Variants in ODAD4 observed in about 807,000 individuals in gnomAD.
ODAD4 encodes the protein outer dynein arm docking complex subunit 4.
Under a neutral mutation model 51.8 loss-of-function variants are expected in ODAD4, and 49 were observed. The ratio of observed to expected loss-of-function variants is 0.95; its 90% CI spans 0.75 to 1.20. The LOEUF (loss-of-function observed/expected upper bound fraction) is 1.20, where lower values mean the gene tolerates loss of function less well. Ranked by LOEUF, ODAD4 falls within the 50% of genes most tolerant of loss-of-function variation. The pLI is 0.00. For missense variants in ODAD4, 590 were observed against 586.5 expected, an observed-to-expected ratio of 1.01 and a Z score of -0.06; for synonymous variants, 235 against 221.3, an observed-to-expected ratio of 1.06 and a Z score of -0.55.
chr17:41,958,660 CAAAA>C (rs544794329), intron 10 of ODAD4, among the ~76,000 whole-genome samples: 2 of 58,086 alleles, frequency 3.4e-5, no homozygotes. Context: ...AACTCCATCT[CAAAA>C]AAAAAAAAAA....
At position 41,938,606 on chromosome 17, in the gene ODAD4, C is replaced by G. The variant is rs2050460117; in HGVS notation, c.675C>G (p.Ile225Met). The change falls in exon 6 of 12, where the codon ATC (isoleucine) becomes ATG (methionine). Residue 225 changes from isoleucine to methionine, a missense_variant. By Grantham distance (10) the Ile-to-Met change is conservative. Coordinates refer to ENST00000377540, the MANE Select transcript of ODAD4 (RefSeq NM_031421.5). Reference sequence around the variant, plus strand: ...GCGGCCTGACTGTGGAGGACCTCATCATGACGGGCATCAACTACCTGGATA... The same window carrying G: ...GCGGCCTGACTGTGGAGGACCTCATGATGACGGGCATCAACTACCTGGATA... ...MKGGLTVEDL[I>M]MTGINYLDTH... is the part of the protein sequence containing the mutation. 5 of 1,613,968 alleles carry G rather than the reference C, an allele frequency of 3.1e-6. No individual in the cohort carries two copies. Among genetic ancestry groups the G allele is most frequent in the Non-Finnish European group, 4.2e-6 (5 of 1,179,900 alleles).
chr17:41,965,163 CAG>C lies in ODAD4; in HGVS notation c.1702_1703del (p.Ser568CysfsTer45). 5.2e-6 allele frequency: 4 copies of C among 773,394 alleles called. No homozygotes were observed. Among genetic ancestry groups the C allele is most frequent in the South Asian group, 1.4e-5 (1 of 73,194 alleles). The allele number at this position is 773,394 out of a possible 1,614,324, so 47.9% of individuals were successfully genotyped here. On this transcript the variant is annotated frameshift_variant, in exon 12 of 12. Transcript: ENST00000377540. LOFTEE classifies it low-confidence loss of function (END_TRUNC). ...TCTGCAGAGCCCAGCAAGCGGAAAG[CAG>C]AGTGTGGAAGCAGGAAAAGCCAGAA... ...EALQSPASGK[Q>X]SVEAGKARSD...
At chr17:41,941,729 C>T (rs1240475116) in intron 7 of ODAD4, among the ~76,000 whole-genome samples, 1 of 146,296 alleles carries the variant, frequency 6.8e-6, no homozygotes, top group African/African-American at 2.6e-5. Flanking sequence ...TGCAGTGAGC[C>T]GAGATAGTGA....
In ODAD4 at chr17:41,965,418, A is replaced by C; in HGVS notation, c.1954A>C (p.Thr652Pro). 1.3e-6 allele frequency: 1 copy of C among 778,472 alleles called. No individual in the cohort carries two copies. Among genetic ancestry groups the C allele is most frequent in the African/African-American group, 1.7e-5 (1 of 59,020 alleles). 48.2% of individuals were successfully genotyped at this position (778,472 alleles called of 1,614,324 possible). The change falls in exon 12 of 12, where the codon ACA (threonine) becomes CCA (proline). Residue 652 changes from threonine (T) to proline (P), a missense_variant. By Grantham distance (38) the Thr-to-Pro change is conservative (BLOSUM62 -1). Transcript: ENST00000377540. ...AAGAGAGCCAGAAGAACTGGGAAAAACACAATTTGGAGAAATAGGAGAAAC... is the reference window on the plus strand; with the variant it reads ...AAGAGAGCCAGAAGAACTGGGAAAACCACAATTTGGAGAAATAGGAGAAAC... ...GRREPEELGK[T>P]QFGEIGETKK...
At chr17:41,935,023 G>A (rs540066232) in intron 1 of ODAD4, among the ~76,000 whole-genome samples, 194 bp from the exon 2 acceptor site, 99 of 152,262 alleles carry the variant, frequency 6.5e-4, no homozygotes, top group African/African-American at 2.1e-3. Context: ...TTGACTGAGC[G>A]CAGATCGGAG....
rs530126729 is a variant in ODAD4 at position 41,931,358 on chromosome 17, T to C, written c.114+521T>C. On this transcript the variant is annotated intron_variant, in intron 1 of 11. Coordinates refer to ENST00000377540, the MANE Select transcript of ODAD4 (RefSeq NM_031421.5). ...GTTCCCACTTGCAATCTCCATTCTC[T>C]GCGTTAACAGTGACCTTTTCCTCCA... is the stretch of plus-strand genomic sequence containing the variant. 2.0e-5 allele frequency among the ~76,000 whole-genome samples: 3 copies of C among 152,316 alleles called. No homozygotes were observed. The East Asian group carries it at 5.8e-4, about 29-fold the overall frequency.
In ODAD4 at chr17:41,938,728, G is replaced by A. The variant is rs373685258; in HGVS notation, c.797G>A (p.Arg266His). The change falls in exon 6 of 12, where the codon CGT (arginine) becomes CAT (histidine). Residue 266 changes from arginine (R) to histidine (H), a missense_variant. Transcript: ENST00000377540. ...QEKWLRDHKR[R>H]PSQTAHYILK... ...AAATGGCTGCGGGACCACAAACGCCGTCCCTCACAGACAGCCCATTACATC... is the reference window on the plus strand; with the variant it reads ...AAATGGCTGCGGGACCACAAACGCCATCCCTCACAGACAGCCCATTACATC... The A allele has an allele frequency of 2.9e-5, 46 of 1,613,734 alleles. 1 individual carries two copies. Among genetic ancestry groups the A allele is most frequent in the African/African-American group, 2.5e-4 (19 of 75,036 alleles).
chr17:41,946,881 C>T (rs376423016), intron 8 of ODAD4, among the ~76,000 whole-genome samples: 10 of 151,206 alleles, frequency 6.6e-5, no homozygotes, highest in Admixed American at 6.6e-5. Context: ...GACGGAGTCT[C>T]GCTCTGTCCC....
At chr17:41,952,643 A>T (rs782212647) in intron 9 of ODAD4, 1 of 516,406 alleles carries the variant, frequency 1.9e-6, no homozygotes, top group South Asian at 1.4e-5. Flanking sequence ...CAGACCTTTA[A>T]TGTCAGAGTC....
intron 10 of ODAD4, among the ~76,000 whole-genome samples, chr17:41,960,777 A>G (rs2050795561): frequency 6.6e-6 from 1 of 152,288 alleles, no homozygotes; most frequent in Admixed American, 6.5e-5. Context: ...AAGAGAGTGC[A>G]TCCAGGCCCC....
At chr17:41,950,426 A>G (rs2050637519) in intron 9 of ODAD4, among the ~76,000 whole-genome samples, 1 of 148,308 alleles carries the variant, frequency 6.7e-6, no homozygotes, top group East Asian at 2.0e-4. Context: ...TCTGTCACCC[A>G]GGCTGGAGTG....
At position 41,965,152 on chromosome 17, in the gene ODAD4, C is replaced by G. The variant is rs1233323277; in HGVS notation, c.1688C>G (p.Ala563Gly). 1 of 773,044 alleles carries G rather than the reference C, an allele frequency of 1.3e-6. No individual in the cohort carries two copies. Among genetic ancestry groups the G allele is most frequent in the African/African-American group, 1.7e-5 (1 of 58,936 alleles). 47.9% of individuals were successfully genotyped at this position (773,044 alleles called of 1,614,324 possible). A position where few individuals can be genotyped will look rare whatever the true frequency, so the allele number is the denominator to read the frequency against. ...EAFGEALQSP[A>G]SGKQSVEAGK... ...TTTGGGGAAGCTCTGCAGAGCCCAGCAAGCGGAAAGCAGAGTGTGGAAGCA... is the reference window on the plus strand; with the variant it reads ...TTTGGGGAAGCTCTGCAGAGCCCAGGAAGCGGAAAGCAGAGTGTGGAAGCA... The change falls in exon 12 of 12, where the codon GCA (alanine) becomes GGA (glycine). Residue 563 changes from alanine (A) to glycine (G), a missense_variant. This residue lies in a region of ODAD4 where 226 missense variants were observed against 162.7 expected (regional missense o/e 1.39). Transcript: ENST00000377540.
Position 41,954,907 on chromosome 17 carries a change from C to T in ODAD4, c.1343-310C>T, listed in dbSNP as rs1322037754. The stretch of plus-strand genomic sequence containing the variant: ...AACAATCTAAAGATGGAGCAGGATG[C>T]GGTTTTCTCCTCCACTCTGGAGACA... On this transcript the variant is annotated intron_variant, in intron 9 of 11. Transcript: ENST00000377540. 1.3e-5 allele frequency: 4 copies of T among 319,558 alleles called. No homozygotes were observed. In the East Asian group the frequency reaches 2.3e-4, roughly 18 times the overall value. The allele number at this position is 319,558 out of a possible 1,614,324, so 19.8% of individuals were successfully genotyped here.
At chr17:41,947,530 C>T (rs1253614959) in intron 8 of ODAD4, among the ~76,000 whole-genome samples, 7 of 151,802 alleles carry the variant, frequency 4.6e-5, no homozygotes, top group African/African-American at 1.7e-4. Context: ...GGTGTGGTGG[C>T]TCACGCCTGT....
chr17:41,932,092 G>A (rs781797506), intron 1 of ODAD4, among the ~76,000 whole-genome samples: 2 of 151,114 alleles, frequency 1.3e-5, no homozygotes, highest in East Asian at 2.0e-4. Flanking sequence ...TTGTTAAGAT[G>A]GAGTTTTGCT....
intron 8 of ODAD4, among the ~76,000 whole-genome samples, chr17:41,947,126 A>G (rs2050599857): frequency 6.6e-6 from 1 of 151,074 alleles, no homozygotes; most frequent in South Asian, 2.1e-4. Context: ...CTGGGATTAC[A>G]GGCATGAGCC....
At chr17:41,947,090 T>TCC (rs1438638664) in intron 8 of ODAD4, among the ~76,000 whole-genome samples, 12 of 151,022 alleles carry the variant, frequency 7.9e-5, no homozygotes, top group Admixed American at 7.9e-4. Context: ...CCTCAGGTGA[T>TCC]CCGCCCACCT....
Position 41,942,715 on chromosome 17 carries a change from T to A in ODAD4, c.1059-2421T>A, listed in dbSNP as rs545939950. Among the ~76,000 whole-genome samples the A allele has an allele frequency of 3.3e-4, 50 of 152,116 alleles. No individual in the cohort carries two copies. The East Asian group carries it at 8.9e-3, about 27-fold the overall frequency. On this transcript the variant is annotated intron_variant, in intron 7 of 11. Transcript: ENST00000377540. Reference sequence around the variant, plus strand: ...GCAGGGCAGAAAGATGTGGCAGGGATGGAGGACTTGGAGAACCATAGGTAG... The same window carrying A: ...GCAGGGCAGAAAGATGTGGCAGGGAAGGAGGACTTGGAGAACCATAGGTAG...
chr17:41,963,645 T>C lies in ODAD4; in HGVS notation c.1529-1348T>C, dbSNP rs547262420. On this transcript the variant is annotated intron_variant, in intron 11 of 11. Transcript: ENST00000377540. The stretch of plus-strand genomic sequence containing the variant: ...ATTGTGTGATTTCTTTTCTTTCTTT[T>C]TTTTTTTTTTTGAAACGGAGTCTTG... Among the ~76,000 whole-genome samples the C allele has an allele frequency of 1.7e-3, 260 of 151,350 alleles. 2 individuals are homozygous for C. The highest frequency in any genetic ancestry group is 5.9e-3 in the African/African-American group (241 of 40,990).
Sources: gnomAD v4.1 joint callset for allele counts (sites outside exome capture counted in the v4.1 genomes callset) on GRCh38, gnomAD v4.1.1 for gene constraint, gnomAD v4.1.1 regional missense constraint, MANE v1.5 for transcripts, NCBI Gene and HGNC (gene_info 2026-07-23, HGNC 2026-07-21) for gene names.